The following GALM variants were observed in gnomAD, a reference collection of about 807,000 sequenced individuals.
The protein encoded by GALM is galactose mutarotase, also known as aldose 1-epimerase.
In GALM, 43 loss-of-function variants were observed where a neutral mutation model predicts 37.4. The observed-to-expected ratio is 1.15, with a 90% CI of 0.90 to 1.48. The LOEUF (loss-of-function observed/expected upper bound fraction) is 1.48. Among genes scored for constraint, GALM ranks in the 40% most tolerant of loss-of-function variants. The pLI, the probability that GALM is intolerant of heterozygous loss-of-function variation, is 0.00. For synonymous variants in GALM, 199 were observed against 170.6 expected, an observed-to-expected ratio of 1.17 and a Z score of -1.30; for missense variants, 456 against 419.1, an observed-to-expected ratio of 1.09 and a Z score of -0.77.
At chr2:38,705,760 C>G (rs1343539316) in intron 4 of GALM, among the ~76,000 whole-genome samples, 5 of 152,160 alleles carry the variant, frequency 3.3e-5, no homozygotes, top group Non-Finnish European at 7.4e-5. Flanking sequence ...ATTTTGCACC[C>G]TAGGCACCTC....
chr2:38,679,656 C>G (rs887051415), intron 2 of GALM, among the ~76,000 whole-genome samples: 1 of 152,168 alleles, frequency 6.6e-6, no homozygotes, highest in Admixed American at 6.5e-5. Flanking sequence ...TCTAAAGGCA[C>G]TGGGAATCTC....
chr2:38,679,374 G>A (rs1558579271), intron 2 of GALM, among the ~76,000 whole-genome samples: 1 of 151,848 alleles, frequency 6.6e-6, no homozygotes, highest in Non-Finnish European at 1.5e-5. Context: ...ACACACACTA[G>A]GAATGTAGAA....
chr2:38,705,398 G>A (rs1666015541), intron 4 of GALM, among the ~76,000 whole-genome samples: 1 of 152,162 alleles, frequency 6.6e-6, no homozygotes, highest in Non-Finnish European at 1.5e-5. Flanking sequence ...TAAAGAGGAT[G>A]GAACACTGTC....
At position 38,733,622 on chromosome 2, in the gene GALM, C is replaced by G. The variant is rs1666650660; in HGVS notation, c.*57C>G. 1 of 1,248,246 alleles carries G rather than the reference C, an allele frequency of 8.0e-7. No homozygotes were observed. The highest frequency in any genetic ancestry group is 1.5e-5 in the African/African-American group (1 of 67,220). 77.3% of individuals were successfully genotyped at this position (1,248,246 alleles called of 1,614,324 possible). On this transcript the variant is annotated 3_prime_UTR_variant, in exon 7 of 7. Transcript: ENST00000272252. ...TAGGCTCAGCCACCTGTCTCCTGTCCAGAAAAAAGGTGAAGATTAAGAAGC... is the reference window on the plus strand; with the variant it reads ...TAGGCTCAGCCACCTGTCTCCTGTCGAGAAAAAAGGTGAAGATTAAGAAGC...
At chr2:38,705,251 C>G (rs1572531482) in intron 4 of GALM, among the ~76,000 whole-genome samples, 1 of 152,162 alleles carries the variant, frequency 6.6e-6, no homozygotes, top group East Asian at 1.9e-4. Context: ...TCACTACATT[C>G]TGAAGGGGCT....
intron 4 of GALM, among the ~76,000 whole-genome samples, chr2:38,703,764 G>A (rs1424425373): frequency 3.9e-5 from 6 of 152,120 alleles, no homozygotes; most frequent in Non-Finnish European, 8.8e-5. Flanking sequence ...TGTAATCCCA[G>A]CACTTTGGGA....
chr2:38,728,280 G>T (rs1666526494), intron 4 of GALM, among the ~76,000 whole-genome samples: 1 of 152,010 alleles, frequency 6.6e-6, no homozygotes. Context: ...TGTAATCCCA[G>T]CTACTTGGGA....
At chr2:38,671,449 CAGAA>C (rs1558575796) in intron 1 of GALM, 1 of 152,076 alleles carries the variant, frequency 6.6e-6, no homozygotes, top group African/African-American at 2.4e-5. Flanking sequence ...AGGAGAGAGA[CAGAA>C]AGGAGGGGAA....
Position 38,733,698 on chromosome 2 carries a change from G to C in GALM, c.*133G>C. On this transcript the variant is annotated 3_prime_UTR_variant, in exon 7 of 7. Transcript: ENST00000272252. ...ATCATACAAATGGTGGCTGTTCTGAGAATCAGTCTGGGTATTGATTTCCTT... is the reference window on the plus strand; with the variant it reads ...ATCATACAAATGGTGGCTGTTCTGACAATCAGTCTGGGTATTGATTTCCTT... The C allele has an allele frequency of 1.4e-6, 1 of 731,972 alleles. No homozygotes were observed. The highest frequency in any genetic ancestry group is 2.8e-5 in the East Asian group (1 of 35,790). The allele number at this position is 731,972 out of a possible 1,614,324, so 45.3% of individuals were successfully genotyped here. A position where few individuals can be genotyped will look rare whatever the true frequency, so the allele number is the denominator to read the frequency against.
intron 4 of GALM, among the ~76,000 whole-genome samples, chr2:38,715,125 C>T (rs1296494196): frequency 2.6e-5 from 4 of 152,258 alleles, no homozygotes; most frequent in African/African-American, 9.6e-5. Context: ...ACTTTTTTGT[C>T]GCTTTAAACA....
chr2:38,721,446 C>T (rs1021809742), intron 4 of GALM, among the ~76,000 whole-genome samples: 15 of 152,164 alleles, frequency 9.9e-5, no homozygotes, highest in Middle Eastern at 3.2e-3. Flanking sequence ...TCCTGGCTTA[C>T]TGTCACTCTA....
At chr2:38,689,780 GC>G in intron 3 of GALM, 32 bp from the exon 4 acceptor site, 1 of 1,241,938 alleles carries the variant, frequency 8.1e-7, no homozygotes, top group Non-Finnish European at 1.2e-6. Flanking sequence ...ATAAGACTAA[GC>G]AGAAAACCTT....
At chr2:38,674,362 G>T (rs946992376) in intron 1 of GALM, among the ~76,000 whole-genome samples, 1 of 152,096 alleles carries the variant, frequency 6.6e-6, no homozygotes, top group East Asian at 1.9e-4. Flanking sequence ...GCTAATTTTT[G>T]TATTTTTAGT....
intron 3 of GALM, among the ~76,000 whole-genome samples, chr2:38,686,327 G>T (rs1665534234): frequency 7.3e-6 from 1 of 137,428 alleles, no homozygotes; most frequent in African/African-American, 2.6e-5. Context: ...GTGCAGTGGC[G>T]CGATCTTGGC....
At chr2:38,702,075 G>C (rs1665932209) in intron 4 of GALM, among the ~76,000 whole-genome samples, 1 of 151,816 alleles carries the variant, frequency 6.6e-6, no homozygotes, top group South Asian at 2.1e-4. Context: ...TGCTGCTTTA[G>C]ACTATCTTTT....
In GALM at chr2:38,733,903, CCTTT is replaced by C. The variant is rs986497018; in HGVS notation, c.*343_*346del. On this transcript the variant is annotated 3_prime_UTR_variant, in exon 7 of 7. Coordinates refer to ENST00000272252, the MANE Select transcript of GALM (RefSeq NM_138801.3). Reference sequence around the variant, plus strand: ...TCTTTCTTTTCAACTTTTTGCCCTTCCTTTCTTTAAAGCTATTCTCACATTGCTT... The same window carrying C: ...TCTTTCTTTTCAACTTTTTGCCCTTCCTTTAAAGCTATTCTCACATTGCTT... 2.1e-4 allele frequency: 72 copies of C among 343,204 alleles called. No individual in the cohort carries two copies. Among genetic ancestry groups the C allele is most frequent in the Admixed American group, 1.1e-3 (29 of 25,996 alleles). The allele number at this position is 343,204 out of a possible 1,614,324, so 21.3% of individuals were successfully genotyped here.
At chr2:38,698,281 T>G in intron 4 of GALM, 1 of 533,806 alleles carries the variant, frequency 1.9e-6, no homozygotes, top group Non-Finnish European at 3.3e-6. Context: ...CCTCTGTAGA[T>G]GAAATTCCGG....
intron 2 of GALM, among the ~76,000 whole-genome samples, chr2:38,678,263 G>T (rs1665309088): frequency 1.3e-5 from 2 of 152,046 alleles, no homozygotes; most frequent in Non-Finnish European, 2.9e-5. Flanking sequence ...ACCCACCTCG[G>T]CCTCCCAAAG....
At chr2:38,687,456 T>A (rs1253602050) in intron 3 of GALM, among the ~76,000 whole-genome samples, 1 of 152,172 alleles carries the variant, frequency 6.6e-6, no homozygotes, top group Non-Finnish European at 1.5e-5. Flanking sequence ...AAGTCTGTAA[T>A]CCCAGCACTT....
Sources: gnomAD v4.1 joint callset for allele counts (sites outside exome capture counted in the v4.1 genomes callset) on GRCh38, gnomAD v4.1.1 for gene constraint, MANE v1.5 for transcripts, NCBI Gene and HGNC (gene_info 2026-07-23, HGNC 2026-07-21) for gene names.